Variants in SYNJ1 observed in about 807,000 individuals in gnomAD.
The protein encoded by SYNJ1 is synaptojanin 1.
Under a neutral mutation model 168.2 loss-of-function variants are expected in SYNJ1, and 78 were observed. The ratio of observed to expected loss-of-function variants is 0.46; its 90% confidence interval spans 0.39 to 0.56. The LOEUF (loss-of-function observed/expected upper bound fraction) is 0.56, where lower values mean the gene tolerates loss of function less well. Ranked by LOEUF, SYNJ1 falls within the 20% of genes least tolerant of loss-of-function variation. The pLI, the probability that SYNJ1 is intolerant of heterozygous loss-of-function variation, is 0.00. For synonymous variants in SYNJ1, 539 were observed against 548.6 expected (o/e 0.98, Z 0.24); for missense variants, 1,303 against 1,597.6 (o/e 0.82, Z 3.14).
intron 2 of SYNJ1, among the ~76,000 whole-genome samples, chr21:32,717,796 T>G (rs2043077961): frequency 6.6e-6 from 1 of 152,224 alleles, no homozygotes; most frequent in Admixed American, 6.5e-5. Context: ...CTGGAGCTCT[T>G]TGTGCAACTG....
chr21:32,643,811 CA>C (rs2145759845), intron 26 of SYNJ1, among the ~76,000 whole-genome samples: 1 of 152,194 alleles, frequency 6.6e-6, no homozygotes, highest in Admixed American at 6.5e-5. Context: ...ATTTGATAGT[CA>C]AAAGGAAAGA....
chr21:32,719,991 G>A (rs2043162745), intron 2 of SYNJ1, among the ~76,000 whole-genome samples: 1 of 151,958 alleles, frequency 6.6e-6, no homozygotes, highest in Non-Finnish European at 1.5e-5. Context: ...TGTAATCCCA[G>A]GACTTTGGAA....
intron 12 of SYNJ1, among the ~76,000 whole-genome samples, chr21:32,678,017 C>T (rs992737513): frequency 2.0e-5 from 3 of 151,982 alleles, no homozygotes; most frequent in Non-Finnish European, 4.4e-5. Flanking sequence ...GTTGAGTTTT[C>T]CCGTCATGCT....
chr21:32,637,412 T>A (rs901595606), intron 31 of SYNJ1, among the ~76,000 whole-genome samples: 1 of 142,094 alleles, frequency 7.0e-6, no homozygotes, highest in Non-Finnish European at 1.5e-5. Context: ...TTTTCTTTTT[T>A]TTTTTTTTTT....
rs551601451 is a variant in SYNJ1 at position 32,645,604 on chromosome 21, A to C, written c.3391+42T>G. The C allele has an allele frequency of 2.5e-5, 37 of 1,486,798 alleles. No homozygotes were observed. The South Asian group carries it at 4.7e-4, about 19-fold the overall frequency. 92.1% of individuals were successfully genotyped at this position (1,486,798 alleles called of 1,614,324 possible). A position where few individuals can be genotyped will look rare whatever the true frequency, so the allele number is the denominator to read the frequency against. Reference sequence around the variant, plus strand: ...TGCAAAACATTTTAAAATAGAGTGAAGAATTTTACATCTAGCAGAAATGGA... The same window carrying C: ...TGCAAAACATTTTAAAATAGAGTGACGAATTTTACATCTAGCAGAAATGGA... On this transcript the variant is annotated intron_variant, in intron 25 of 32. Transcript: ENST00000674351.
rs2146174688 is a variant in SYNJ1, at chr21:32,695,225, T to C, written c.537A>G (p.Leu179=). Reference sequence around the variant, plus strand: ...CTACTCCTCCACACATAAGACGTAATAACCAGTCATCACAATTCACGCCAT... The same window carrying C: ...CTACTCCTCCACACATAAGACGTAACAACCAGTCATCACAATTCACGCCAT... ...KHYGVNCDDW[L]LRLMCGGVEI... is the part of the protein sequence containing the mutation. The change falls in exon 5 of 33, where the codon TTA becomes TTG. Residue 179 remains leucine (L), a synonymous_variant. Transcript: ENST00000674351. The C allele has an allele frequency of 1.2e-6, 2 of 1,614,084 alleles. No homozygotes were observed. Among genetic ancestry groups the C allele is most frequent in the Middle Eastern group, 1.7e-4 (1 of 6,060 alleles).
intron 9 of SYNJ1, among the ~76,000 whole-genome samples, chr21:32,684,406 T>C (rs983402431): frequency 6.6e-6 from 1 of 152,224 alleles, no homozygotes; most frequent in Non-Finnish European, 1.5e-5. Flanking sequence ...AGGTTTATGC[T>C]CTTACAGTTC....
rs758941231 is a variant in SYNJ1 at position 32,674,957 on chromosome 21, G to A, written c.1534+1375C>T. Among the ~76,000 whole-genome samples the A allele has an allele frequency of 1.1e-4, 17 of 152,076 alleles. 1 individual carries two copies. The highest frequency in any genetic ancestry group is 2.0e-4 in the Admixed American group (3 of 15,250). ...GATAAGTATATCCCCATTGTTTCCA[G>A]GGGCAGATATGCAGATTTCTCACCA... On this transcript the variant is annotated intron_variant, in intron 13 of 32. Coordinates refer to ENST00000674351, the MANE Select transcript of SYNJ1 (RefSeq NM_203446.3).
At chr21:32,719,227 A>C (rs146156555) in intron 2 of SYNJ1, among the ~76,000 whole-genome samples, 11 of 152,398 alleles carry the variant, frequency 7.2e-5, no homozygotes, top group African/African-American at 2.6e-4. Flanking sequence ...GAGATTCTCA[A>C]CACATGCTGG....
intron 7 of SYNJ1, 104 bp downstream of exon 7, chr21:32,688,202 A>G: frequency 1.9e-6 from 2 of 1,045,784 alleles, no homozygotes; most frequent in South Asian, 1.6e-5. Context: ...GAGTCAGAGG[A>G]ATTTTATTTA....
chr21:32,688,407 A>G, intron 6 of SYNJ1, 40 bp from the exon 7 acceptor site: 2 of 1,553,432 alleles, frequency 1.3e-6, no homozygotes, highest in Non-Finnish European at 8.8e-7. Flanking sequence ...CCAAAAACCA[A>G]CATATAGACG....
At chr21:32,725,507 T>C (rs2043413104) in intron 2 of SYNJ1, among the ~76,000 whole-genome samples, 2 of 152,238 alleles carry the variant, frequency 1.3e-5, no homozygotes, top group Non-Finnish European at 2.9e-5. Context: ...AAAATATATG[T>C]ACCAAATATA....
chr21:32,661,345 C>T (rs550735626), intron 18 of SYNJ1, among the ~76,000 whole-genome samples: 28 of 152,260 alleles, frequency 1.8e-4, no homozygotes, highest in African/African-American at 6.5e-4. Flanking sequence ...TGGAGCGGCT[C>T]CTTTTGAGGG....
At position 32,639,129 on chromosome 21, in the gene SYNJ1, A is replaced by C; in HGVS notation, c.3698-4T>G. ...GGTTCAGGAAGGAAAGTTGAACCTAAAAAACCAGTGGTTGTCAGATGTTAG... is the reference window on the plus strand; with the variant it reads ...GGTTCAGGAAGGAAAGTTGAACCTACAAAACCAGTGGTTGTCAGATGTTAG... On this transcript the variant is annotated splice_region_variant and splice_polypyrimidine_tract_variant and intron_variant, in intron 30 of 32. Coordinates refer to ENST00000674351, the MANE Select transcript of SYNJ1 (RefSeq NM_203446.3). 1.2e-6 allele frequency: 2 copies of C among 1,609,542 alleles called. No homozygotes were observed. Among genetic ancestry groups the C allele is most frequent in the Non-Finnish European group, 1.7e-6 (2 of 1,177,654 alleles).
At chr21:32,723,503 C>A (rs1303637604) in intron 2 of SYNJ1, among the ~76,000 whole-genome samples, 1 of 152,142 alleles carries the variant, frequency 6.6e-6, no homozygotes, top group African/African-American at 2.4e-5. Context: ...ATTTAGACAA[C>A]AACAAAACCA....
chr21:32,694,335 A>G (rs772472265), intron 5 of SYNJ1, 24 bp from the exon 6 acceptor site: 2 of 1,518,136 alleles, frequency 1.3e-6, no homozygotes, highest in Non-Finnish European at 1.8e-6. Context: ...AATAATATGT[A>G]AACTATTTCC....
At chr21:32,699,524 G>A (rs776912134) in intron 4 of SYNJ1, among the ~76,000 whole-genome samples, 3 of 152,048 alleles carry the variant, frequency 2.0e-5, no homozygotes, top group Admixed American at 1.3e-4. Context: ...CTGACAGTTC[G>A]ACCACGGAGT....
chr21:32,688,226 T>G, intron 7 of SYNJ1, 80 bp downstream of exon 7: 1 of 1,378,192 alleles, frequency 7.3e-7, no homozygotes. Flanking sequence ...CCAAAAAAGT[T>G]TGAAGTGAAT....
intron 12 of SYNJ1, among the ~76,000 whole-genome samples, chr21:32,677,787 G>T (rs949187588): frequency 6.6e-6 from 1 of 152,090 alleles, no homozygotes; most frequent in Non-Finnish European, 1.5e-5. Flanking sequence ...TAACTTATTT[G>T]ACCAAGTAAT....
Sources: gnomAD v4.1 joint callset for allele counts (sites outside exome capture counted in the v4.1 genomes callset) on GRCh38, gnomAD v4.1.1 for gene constraint, MANE v1.5 for transcripts, NCBI Gene and HGNC (gene_info 2026-07-23, HGNC 2026-07-21) for gene names.